The following GRID2 variants were observed in gnomAD, a reference collection of about 807,000 sequenced individuals.
GRID2 encodes glutamate receptor ionotropic, delta-2.
Under a neutral mutation model 114.8 loss-of-function variants are expected in GRID2, and 33 were observed. That is an observed-to-expected ratio of 0.29 (90% CI 0.22 to 0.38). The LOEUF (loss-of-function observed/expected upper bound fraction) is 0.38. Among genes scored for constraint, GRID2 ranks in the 10% least tolerant of loss-of-function variants. GRID2 has a pLI of 1.00. For missense variants in GRID2, 1,184 were observed against 1,257.7 expected, an observed-to-expected ratio of 0.94 and a Z score of 0.89; for synonymous variants, 505 against 449.9, an observed-to-expected ratio of 1.12 and a Z score of -1.55.
At chr4:92,693,075 A>G (rs1055359656) in intron 2 of GRID2, among the ~76,000 whole-genome samples, 3 of 151,466 alleles carry the variant, frequency 2.0e-5, no homozygotes, top group Non-Finnish European at 4.4e-5. Flanking sequence ...GTAGAAATAT[A>G]TACAATATAT....
chr4:93,467,642 G>A (rs1035724840), intron 11 of GRID2, among the ~76,000 whole-genome samples: 36 of 152,126 alleles, frequency 2.4e-4, no homozygotes, highest in African/African-American at 7.0e-4. Context: ...AAGGGTTAAG[G>A]CCACTTAGCC....
intron 2 of GRID2, among the ~76,000 whole-genome samples, chr4:92,733,846 T>C (rs1736452219): frequency 6.6e-6 from 1 of 152,068 alleles, no homozygotes; most frequent in African/African-American, 2.4e-5. Flanking sequence ...ATCTGAACGT[T>C]GATGGAGGAA....
chr4:92,751,371 A>G (rs775084607), intron 2 of GRID2, among the ~76,000 whole-genome samples: 8 of 152,208 alleles, frequency 5.3e-5, no homozygotes, highest in Non-Finnish European at 1.2e-4. Flanking sequence ...TAAGGCAATA[A>G]TCAAAACACA....
chr4:92,958,649 A>T (rs894807937), intron 2 of GRID2, among the ~76,000 whole-genome samples: 2 of 152,008 alleles, frequency 1.3e-5, no homozygotes, highest in African/African-American at 4.8e-5. Flanking sequence ...TAATGTCTTT[A>T]TCTGATTTTA....
At chr4:92,813,154 T>G (rs1250425601) in intron 2 of GRID2, among the ~76,000 whole-genome samples, 1 of 152,164 alleles carries the variant, frequency 6.6e-6, no homozygotes, top group Admixed American at 6.6e-5. Flanking sequence ...AAGGAAATTA[T>G]GATAAAAATA....
rs559653836 is a variant in GRID2 at position 92,961,898 on chromosome 4, A to G, written c.245-123097A>G. Among the ~76,000 whole-genome samples the G allele has an allele frequency of 5.9e-5, 9 of 151,862 alleles. No individual in the cohort carries two copies. In the South Asian group the frequency reaches 1.9e-3, roughly 32 times the overall value. On this transcript the variant is annotated intron_variant, in intron 2 of 15. Transcript: ENST00000282020. ...TTATTTTTCTTTTTTGGCAATAACA[A>G]TTGAAATATCCTTAAGCTCAGGTAG...
chr4:93,341,205 A>C (rs1226896519), intron 8 of GRID2, among the ~76,000 whole-genome samples: 2 of 152,192 alleles, frequency 1.3e-5, no homozygotes, highest in African/African-American at 4.8e-5. Flanking sequence ...AAAAGGTCCA[A>C]AATTTCGGTA....
At chr4:93,264,811 T>C (rs1332223603) in intron 8 of GRID2, among the ~76,000 whole-genome samples, 1 of 147,766 alleles carries the variant, frequency 6.8e-6, no homozygotes, top group Non-Finnish European at 1.5e-5. Context: ...TGAGATGGAG[T>C]CCTGCTCTAT....
intron 8 of GRID2, among the ~76,000 whole-genome samples, chr4:93,280,887 C>A (rs551213871): frequency 2.0e-5 from 3 of 151,988 alleles, no homozygotes; most frequent in African/African-American, 7.2e-5. Flanking sequence ...AAATATTTGA[C>A]TCCTACTACA....
rs563590014 is a variant in GRID2 at position 93,433,336 on chromosome 4, A to G, written c.1545+10368A>G. Among the ~76,000 whole-genome samples, 154 of 152,298 alleles carry G rather than the reference A, an allele frequency of 1.0e-3. 1 individual carries two copies. The highest frequency in any genetic ancestry group is 3.6e-3 in the African/African-American group (151 of 41,562). The stretch of plus-strand genomic sequence containing the variant: ...TCAAAGTTTTCAGAGAAGGAGAAGA[A>G]GATGCTATTGTGAGGTTTGTCTGGT... On this transcript the variant is annotated intron_variant, in intron 10 of 15. Transcript: ENST00000282020.
chr4:93,195,617 G>T (rs1481399265), intron 4 of GRID2, among the ~76,000 whole-genome samples: 3 of 152,180 alleles, frequency 2.0e-5, no homozygotes, highest in Admixed American at 6.5e-5. Flanking sequence ...AGGTTGAATT[G>T]TCACTGCCTT....
intron 4 of GRID2, among the ~76,000 whole-genome samples, chr4:93,196,646 CA>C (rs1163774768): frequency 6.6e-6 from 1 of 152,118 alleles, no homozygotes; most frequent in African/African-American, 2.4e-5. Flanking sequence ...CCAAGCTACA[CA>C]AAGACTTTCA....
chr4:93,466,248 A>G (rs1251258325), intron 11 of GRID2, among the ~76,000 whole-genome samples: 3 of 152,186 alleles, frequency 2.0e-5, no homozygotes, highest in Non-Finnish European at 4.4e-5. Flanking sequence ...GATGATGATG[A>G]TGCTGAAATT....
At chr4:92,840,974 G>A (rs1295117978) in intron 2 of GRID2, among the ~76,000 whole-genome samples, 2 of 151,910 alleles carry the variant, frequency 1.3e-5, no homozygotes, top group African/African-American at 2.4e-5. Context: ...ATTCCAAATG[G>A]AGAATGAACA....
chr4:92,745,808 G>T (rs2149334748), intron 2 of GRID2, among the ~76,000 whole-genome samples: 1 of 152,104 alleles, frequency 6.6e-6, no homozygotes, highest in South Asian at 2.1e-4. Flanking sequence ...AATACAAAAA[G>T]ACCATGTAGC....
intron 8 of GRID2, among the ~76,000 whole-genome samples, chr4:93,343,756 C>G (rs566082079): frequency 3.3e-5 from 5 of 152,152 alleles, no homozygotes; most frequent in Admixed American, 3.3e-4. Flanking sequence ...ATCTTGAAGA[C>G]TTTGGAGAGG....
chr4:92,792,490 C>T (rs992936897), intron 2 of GRID2, among the ~76,000 whole-genome samples: 2 of 151,116 alleles, frequency 1.3e-5, no homozygotes, highest in East Asian at 3.9e-4. Context: ...CACACACACA[C>T]ACACACACAC....
At chr4:92,921,788 G>T (rs1749363138) in intron 2 of GRID2, among the ~76,000 whole-genome samples, 1 of 152,208 alleles carries the variant, frequency 6.6e-6, no homozygotes, top group Admixed American at 6.5e-5. Context: ...AGGCTACTCA[G>T]GGGTCAGGGA....
At chr4:92,878,508 G>C (rs1027113910) in intron 2 of GRID2, among the ~76,000 whole-genome samples, 1 of 152,110 alleles carries the variant, frequency 6.6e-6, no homozygotes, top group Non-Finnish European at 1.5e-5. Context: ...CTGGATGGTA[G>C]TTTGAACTTT....
Sources: gnomAD v4.1 joint callset for allele counts (sites outside exome capture counted in the v4.1 genomes callset) on GRCh38, gnomAD v4.1.1 for gene constraint, MANE v1.5 for transcripts, NCBI Gene and HGNC (gene_info 2026-07-23, HGNC 2026-07-21) for gene names.